GRHL2: variants seen among roughly 807,000 people sequenced by gnomAD.
GRHL2 encodes grainyhead like transcription factor 2.
A neutral mutation model predicts 83.8 loss-of-function variants in GRHL2; 21 were observed. That is an observed-to-expected ratio of 0.25 (90% CI 0.18 to 0.36). The LOEUF (loss-of-function observed/expected upper bound fraction) is 0.36. Ranked by LOEUF, GRHL2 falls within the 10% of genes least tolerant of loss-of-function variation. GRHL2 has a pLI of 1.00. For missense variants in GRHL2, 623 were observed against 781.8 expected (o/e 0.80, Z 2.42); for synonymous variants, 280 against 278.9 (o/e 1.00, Z -0.04).
chr8:101,493,594 C>A (rs1810021348), intron 1 of GRHL2, among the ~76,000 whole-genome samples: 1 of 152,152 alleles, frequency 6.6e-6, no homozygotes, highest in East Asian at 1.9e-4. Flanking sequence ...GCGATTCACC[C>A]GCGCCCCCGA....
At chr8:101,567,246 C>T (rs1406757065) in intron 4 of GRHL2, among the ~76,000 whole-genome samples, 1 of 152,180 alleles carries the variant, frequency 6.6e-6, no homozygotes, top group Non-Finnish European at 1.5e-5. Context: ...TGTTAGCATA[C>T]CTTCTTTACT....
At position 101,573,220 on chromosome 8, in the gene GRHL2, T is replaced by TAGTAAGATA. The variant is rs778388512; in HGVS notation, c.735-448_735-447insAGTAAGATA. 4.9e-3 allele frequency among the ~76,000 whole-genome samples: 729 copies of TAGTAAGATA among 149,344 alleles called. 4 individuals are homozygous for TAGTAAGATA. The highest frequency in any genetic ancestry group is 0.014 in the Middle Eastern group (4 of 292). The stretch of plus-strand genomic sequence containing the variant: ...GATGTTTTATAGTAAGATACAGCTA[T>TAGTAAGATA]CTGTAACACCTTGGTTAGACAAAAA... On this transcript the variant is annotated intron_variant, in intron 5 of 15. Coordinates refer to ENST00000646743, the MANE Select transcript of GRHL2 (RefSeq NM_024915.4).
chr8:101,529,766 T>C (rs116965955), intron 1 of GRHL2, among the ~76,000 whole-genome samples: 2,145 of 152,306 alleles, frequency 0.014, 37 homozygotes, highest in Non-Finnish European at 0.02. Flanking sequence ...AGTGAAGAGT[T>C]AGACTGAAGA....
At chr8:101,624,455 A>G (rs1006436580) in intron 9 of GRHL2, among the ~76,000 whole-genome samples, 3 of 151,926 alleles carry the variant, frequency 2.0e-5, no homozygotes, top group African/African-American at 7.3e-5. Context: ...AGTTTACAGT[A>G]CACAGTAGGA....
At position 101,525,187 on chromosome 8, in the gene GRHL2, C is replaced by A. The variant is rs151184922; in HGVS notation, c.21-18054C>A. On this transcript the variant is annotated intron_variant, in intron 1 of 15. Transcript: ENST00000646743. ...CGAACTCCTGACCTCAGGTGATCTG[C>A]CTGCCTTGGCCTCCCAAAGTGCTGG... 5.2e-3 allele frequency among the ~76,000 whole-genome samples: 792 copies of A among 152,306 alleles called. 1 individual carries two copies. Among genetic ancestry groups the A allele is most frequent in the African/African-American group, 0.018 (752 of 41,576 alleles).
At chr8:101,647,295 G>A (rs779873074) in intron 13 of GRHL2, among the ~76,000 whole-genome samples, 1 of 152,216 alleles carries the variant, frequency 6.6e-6, no homozygotes, top group Non-Finnish European at 1.5e-5. Context: ...AACCTGGGAG[G>A]CAGAGGTTGC....
At chr8:101,494,510 T>C (rs1304836253) in intron 1 of GRHL2, among the ~76,000 whole-genome samples, 1 of 152,038 alleles carries the variant, frequency 6.6e-6, no homozygotes, top group Non-Finnish European at 1.5e-5. Flanking sequence ...CCTCCCCATA[T>C]CTCTCTAGTC....
chr8:101,534,371 T>G (rs1248698003), intron 1 of GRHL2, among the ~76,000 whole-genome samples: 2 of 152,142 alleles, frequency 1.3e-5, no homozygotes, highest in African/African-American at 4.8e-5. Context: ...TTGTCAAGGC[T>G]TCAGTTCCTT....
intron 6 of GRHL2, among the ~76,000 whole-genome samples, chr8:101,574,100 C>T (rs757203250): frequency 4.6e-5 from 7 of 152,132 alleles, no homozygotes; most frequent in Middle Eastern, 3.2e-3. Flanking sequence ...TGTGCTTCCT[C>T]GTTGTTGTTA....
chr8:101,544,508 GTATGACCTGC>G (rs1420602618), intron 2 of GRHL2, among the ~76,000 whole-genome samples: 2 of 152,190 alleles, frequency 1.3e-5, no homozygotes, highest in African/African-American at 4.8e-5. Flanking sequence ...ACTATGCCTG[GTATGACCTGC>G]TCCTTTTGAA....
At chr8:101,650,344 G>A (rs1466019045) in intron 14 of GRHL2, among the ~76,000 whole-genome samples, 1 of 152,126 alleles carries the variant, frequency 6.6e-6, no homozygotes, top group Non-Finnish European at 1.5e-5. Flanking sequence ...TAGTAATCGG[G>A]ACTTCACTCT....
intron 14 of GRHL2, among the ~76,000 whole-genome samples, chr8:101,662,683 C>T (rs936504256): frequency 6.6e-6 from 1 of 152,128 alleles, no homozygotes; most frequent in African/African-American, 2.4e-5. Context: ...TTCCCGAATC[C>T]ATCTGTAAAC....
intron 7 of GRHL2, among the ~76,000 whole-genome samples, chr8:101,582,352 G>A (rs1024237884): frequency 6.6e-6 from 1 of 152,190 alleles, no homozygotes; most frequent in African/African-American, 2.4e-5. Flanking sequence ...TAGTTGATTT[G>A]TTGATTTGAC....
chr8:101,666,555 T>C, intron 15 of GRHL2, 34 bp from the exon 16 acceptor site: 1 of 1,309,518 alleles, frequency 7.6e-7, no homozygotes, highest in South Asian at 1.2e-5. Context: ...TCACGGCGTC[T>C]TTGTTTTTCA....
intron 9 of GRHL2, 110 bp downstream of exon 9, chr8:101,619,807 C>T (rs1470806391): frequency 1.3e-6 from 1 of 797,090 alleles, no homozygotes; most frequent in Non-Finnish European, 2.1e-6. Context: ...AAAATATTCA[C>T]TTTACTCATC....
chr8:101,567,463 C>T (rs1211421595), intron 4 of GRHL2, among the ~76,000 whole-genome samples: 7 of 152,120 alleles, frequency 4.6e-5, no homozygotes, highest in African/African-American at 1.7e-4. Flanking sequence ...GCCATGTAAC[C>T]CATCAATGTA....
intron 6 of GRHL2, among the ~76,000 whole-genome samples, chr8:101,574,463 G>T (rs1054638034): frequency 5.3e-5 from 8 of 152,238 alleles, no homozygotes; most frequent in African/African-American, 1.9e-4. Context: ...TACTGAAAAG[G>T]AAAATTATAG....
Position 101,602,899 on chromosome 8 carries a change from G to A in GRHL2, c.1098+3748G>A, listed in dbSNP as rs184942396. ...TTCTGCCCCGGAGCTCAGAGGAATG[G>A]GGCGAGTAAGGCCACCAGCATTCCC... On this transcript the variant is annotated intron_variant, in intron 8 of 15. Coordinates refer to ENST00000646743, the MANE Select transcript of GRHL2 (RefSeq NM_024915.4). Among the ~76,000 whole-genome samples the A allele has an allele frequency of 2.2e-3, 328 of 152,296 alleles. 6 individuals carry two copies. Among genetic ancestry groups the A allele is most frequent in the East Asian group, 1.5e-3 (8 of 5,164 alleles).
chr8:101,600,882 G>A (rs567328481), intron 8 of GRHL2, among the ~76,000 whole-genome samples: 1 of 152,194 alleles, frequency 6.6e-6, no homozygotes, highest in Non-Finnish European at 1.5e-5. Context: ...AAAGGACCAG[G>A]CATGGTGGCC....
Sources: allele counts gnomAD v4.1 joint callset (sites outside exome capture counted in the v4.1 genomes callset), GRCh38; gene constraint gnomAD v4.1.1; transcripts MANE v1.5; gene names NCBI Gene and HGNC (gene_info 2026-07-23, HGNC 2026-07-21).